OXSR1: variants seen among roughly 807,000 people sequenced by gnomAD.
The protein encoded by OXSR1 is oxidative stress responsive kinase 1, also known as serine/threonine-protein kinase OSR1.
OXSR1 carries 24 observed loss-of-function variants against 79.8 expected under a neutral mutation model. The ratio of observed to expected loss-of-function variants is 0.30; its 90% CI spans 0.22 to 0.42. The LOEUF (loss-of-function observed/expected upper bound fraction) is 0.42, where lower values mean the gene tolerates loss of function less well. OXSR1 is among the 10% of genes least tolerant of loss of function. The pLI is 1.00. For missense variants in OXSR1, 430 were observed against 618.4 expected (o/e 0.70, Z 3.23); for synonymous variants, 226 against 209.2 (o/e 1.08, Z -0.69).
intron 4 of OXSR1, among the ~76,000 whole-genome samples, chr3:38,200,049 A>T (rs1393301367): frequency 3.3e-5 from 5 of 152,118 alleles, no homozygotes. Context: ...AGCTGTGCTG[A>T]CTGGTGCTGC....
intron 4 of OXSR1, among the ~76,000 whole-genome samples, chr3:38,206,279 T>G (rs1702262459): frequency 6.6e-6 from 1 of 152,170 alleles, no homozygotes; most frequent in African/African-American, 2.4e-5. Context: ...TGAGGGCAAT[T>G]CTGAATGAGA....
intron 4 of OXSR1, among the ~76,000 whole-genome samples, chr3:38,207,951 C>CCTTCCTTCCTTT (rs1192306171): frequency 7.4e-6 from 1 of 135,378 alleles, no homozygotes; most frequent in African/African-American, 2.8e-5. Flanking sequence ...TTCCTTCCTT[C>CCTTCCTTCCTTT]CTTCCTTCCT....
intron 4 of OXSR1, among the ~76,000 whole-genome samples, chr3:38,200,417 C>T (rs1702144063): frequency 6.6e-6 from 1 of 152,108 alleles, no homozygotes; most frequent in Admixed American, 6.5e-5. Flanking sequence ...AACATAATGC[C>T]ATGTTGTCCT....
At chr3:38,225,476 A>T (rs757888235) in intron 8 of OXSR1, among the ~76,000 whole-genome samples, 7 of 152,052 alleles carry the variant, frequency 4.6e-5, no homozygotes, top group Non-Finnish European at 1.0e-4. Context: ...TCACATCTCT[A>T]GTGTATGTAA....
chr3:38,215,732 G>C (rs1365718013), intron 4 of OXSR1, among the ~76,000 whole-genome samples: 1 of 152,102 alleles, frequency 6.6e-6, no homozygotes, highest in African/African-American at 2.4e-5. Context: ...AATGTTCCCT[G>C]TTTTCAGTTG....
intron 5 of OXSR1, among the ~76,000 whole-genome samples, chr3:38,216,769 G>T (rs1056172604): frequency 6.6e-6 from 1 of 152,140 alleles, no homozygotes; most frequent in Admixed American, 6.5e-5. Flanking sequence ...ACAGTCAGGT[G>T]TTTGGCAGGA....
intron 6 of OXSR1, 59 bp downstream of exon 6, chr3:38,221,746 A>C: frequency 1.0e-6 from 1 of 969,758 alleles, no homozygotes; most frequent in East Asian, 2.5e-5. Flanking sequence ...AACTGAAAAA[A>C]CTTAATAGTG....
intron 3 of OXSR1, among the ~76,000 whole-genome samples, chr3:38,196,564 G>C (rs1004506705): frequency 2.0e-5 from 3 of 152,194 alleles, no homozygotes; most frequent in Admixed American, 6.6e-5. Flanking sequence ...TATAAACTTT[G>C]TTCAAAATGT....
intron 11 of OXSR1, among the ~76,000 whole-genome samples, chr3:38,238,522 T>G (rs1330585533): frequency 6.6e-6 from 1 of 152,102 alleles, no homozygotes; most frequent in Non-Finnish European, 1.5e-5. Context: ...GTAAGTCTTT[T>G]GGTGATGATT....
At chr3:38,218,373 T>C (rs954435055) in intron 5 of OXSR1, among the ~76,000 whole-genome samples, 12 of 152,176 alleles carry the variant, frequency 7.9e-5, no homozygotes, top group African/African-American at 2.9e-4. Flanking sequence ...TGTAAGGTGT[T>C]ATCTATCTCA....
intron 4 of OXSR1, among the ~76,000 whole-genome samples, chr3:38,205,276 G>T (rs932990754): frequency 1.3e-5 from 2 of 152,204 alleles, no homozygotes; most frequent in Non-Finnish European, 2.9e-5. Context: ...TGGTTCTTAT[G>T]AAGGTGCTTT....
At chr3:38,223,603 C>T (rs1183393659) in intron 6 of OXSR1, among the ~76,000 whole-genome samples, 6 of 151,812 alleles carry the variant, frequency 4.0e-5, no homozygotes, top group African/African-American at 7.2e-5. Context: ...CCACCGTGCC[C>T]GGCTAATTTT....
rs1701817151 is a variant in OXSR1 at position 38,183,129 on chromosome 3, A to G, written c.183+14A>G. The G allele has an allele frequency of 7.3e-7, 1 of 1,370,732 alleles. No homozygotes were observed. The highest frequency in any genetic ancestry group is 1.0e-6 in the Non-Finnish European group (1 of 963,366). 84.9% of individuals were successfully genotyped at this position (1,370,732 alleles called of 1,614,324 possible). On this transcript the variant is annotated intron_variant, in intron 2 of 17. Transcript: ENST00000311806. ...GATGAACTCCTGGTATGCACATCTT[A>G]TACTTCTGAAATGGAGAGATATACT... is the stretch of plus-strand genomic sequence containing the variant.
At chr3:38,210,875 A>G (rs570050376) in intron 4 of OXSR1, among the ~76,000 whole-genome samples, 1 of 152,336 alleles carries the variant, frequency 6.6e-6, no homozygotes, top group South Asian at 2.1e-4. Context: ...AAATCTTAAA[A>G]TTCTTTTACC....
intron 12 of OXSR1, 32 bp downstream of exon 12, chr3:38,242,810 A>T (rs1330065692): frequency 7.4e-7 from 1 of 1,343,100 alleles, no homozygotes; most frequent in Non-Finnish European, 1.1e-6. Context: ...ATCCTTGTTA[A>T]AGTAAATGTG....
At chr3:38,166,006 C>A in intron 1 of OXSR1, 60 bp downstream of exon 1, 1 of 1,467,308 alleles carries the variant, frequency 6.8e-7, no homozygotes, top group Non-Finnish European at 9.4e-7. Context: ...GACACGGGAA[C>A]GTGGGGAGCC....
Position 38,175,436 on chromosome 3 carries a change from A to G in OXSR1, c.71-7567A>G, listed in dbSNP as rs532478139. Reference sequence around the variant, plus strand: ...CACCTTAGCCTCCCAAGTAGCTGGGACTACAGGCGTGTGCCACCACACCCG... The same window carrying G: ...CACCTTAGCCTCCCAAGTAGCTGGGGCTACAGGCGTGTGCCACCACACCCG... On this transcript the variant is annotated intron_variant, in intron 1 of 17. Coordinates refer to ENST00000311806, the MANE Select transcript of OXSR1 (RefSeq NM_005109.3). 3.3e-5 allele frequency among the ~76,000 whole-genome samples: 5 copies of G among 152,200 alleles called. No individual in the cohort carries two copies. The South Asian group carries it at 1.0e-3, about 32-fold the overall frequency.
At chr3:38,190,977 T>C (rs1371323253) in intron 3 of OXSR1, 138 bp downstream of exon 3, 11 of 648,556 alleles carry the variant, frequency 1.7e-5, no homozygotes, top group Non-Finnish European at 3.0e-5. Context: ...TTGCTGAAGA[T>C]GCTAATCTAT....
intron 4 of OXSR1, among the ~76,000 whole-genome samples, chr3:38,205,535 T>C (rs1702249905): frequency 1.3e-5 from 2 of 152,210 alleles, no homozygotes; most frequent in African/African-American, 4.8e-5. Flanking sequence ...CTCCACTGTG[T>C]ACCTTTGGCC....
Sources: gnomAD v4.1 joint callset for allele counts (sites outside exome capture counted in the v4.1 genomes callset) on GRCh38, gnomAD v4.1.1 for gene constraint, MANE v1.5 for transcripts, NCBI Gene and HGNC (gene_info 2026-07-23, HGNC 2026-07-21) for gene names.